The following SNTB2 variants were observed in gnomAD, a reference collection of about 807,000 sequenced individuals.
SNTB2 encodes the protein beta-2-syntrophin.
A neutral mutation model predicts 46.2 loss-of-function variants in SNTB2; 34 were observed. The ratio of observed to expected loss-of-function variants is 0.74; its 90% CI spans 0.56 to 0.98. The LOEUF is 0.98. Ranked by LOEUF, SNTB2 falls within the 50% of genes least tolerant of loss-of-function variation. The probability of loss-of-function intolerance (pLI) is 0.00; values close to 1 mark genes in which losing one functional copy is unlikely to be tolerated. For synonymous variants in SNTB2, 290 were observed against 312.6 expected, an observed-to-expected ratio of 0.93 and a Z score of 0.76; for missense variants, 603 against 731.4, an observed-to-expected ratio of 0.82 and a Z score of 2.02.
At chr16:69,285,301 C>T (rs1415350172) in intron 5 of SNTB2, among the ~76,000 whole-genome samples, 7 of 150,052 alleles carry the variant, frequency 4.7e-5, no homozygotes, top group East Asian at 1.9e-4. Context: ...GTATATGACT[C>T]GAAGTACATT....
intron 1 of SNTB2, among the ~76,000 whole-genome samples, chr16:69,190,032 A>G (rs894077563): frequency 6.6e-6 from 1 of 152,238 alleles, no homozygotes; most frequent in African/African-American, 2.4e-5. Context: ...TTGCATTTTC[A>G]AGCCACTGGG....
At chr16:69,222,716 AC>A (rs1964418582) in intron 1 of SNTB2, among the ~76,000 whole-genome samples, 1 of 152,178 alleles carries the variant, frequency 6.6e-6, no homozygotes, top group Non-Finnish European at 1.5e-5. Flanking sequence ...AAGGAAAGAT[AC>A]GTTTTATTAG....
At chr16:69,258,605 C>CTTTTTTTTTTTTT (rs67116274) in intron 2 of SNTB2, among the ~76,000 whole-genome samples, 2 of 83,504 alleles carry the variant, frequency 2.4e-5, no homozygotes, top group Non-Finnish European at 4.5e-5. Context: ...CTTGTTCTTT[C>CTTTTTTTTTTTTT]TTTTTTTTTT....
chr16:69,246,499 C>G (rs1964671211), intron 2 of SNTB2, among the ~76,000 whole-genome samples: 1 of 147,796 alleles, frequency 6.8e-6, no homozygotes, highest in Non-Finnish European at 1.5e-5. Flanking sequence ...CAATGTTCAT[C>G]AAGGATATTG....
At chr16:69,235,015 C>A (rs1034010572) in intron 1 of SNTB2, among the ~76,000 whole-genome samples, 3 of 151,722 alleles carry the variant, frequency 2.0e-5, no homozygotes, top group East Asian at 1.9e-4. Flanking sequence ...CAACTTGGTT[C>A]TTTATTTATT....
intron 1 of SNTB2, among the ~76,000 whole-genome samples, chr16:69,192,112 T>A (rs1244942214): frequency 6.6e-6 from 1 of 152,034 alleles, no homozygotes; most frequent in Non-Finnish European, 1.5e-5. Flanking sequence ...TTGGCAGCAG[T>A]GGAAGCACTG....
rs781219598 is a variant in SNTB2 at position 69,299,741 on chromosome 16, A to G, written c.1497A>G (p.Leu499=). 1 of 1,614,194 alleles carries G rather than the reference A, an allele frequency of 6.2e-7. No individual in the cohort carries two copies. The highest frequency in any genetic ancestry group is 2.2e-5 in the East Asian group (1 of 44,886). The stretch of plus-strand genomic sequence containing the variant: ...CTGCTGATGATGGCATCCGAAATCT[A>G]TACTTGGATTTTGGTGGTCCCGAGG... ...KMSADDGIRN[L]YLDFGGPEGE... is the part of the protein sequence containing the mutation. The change falls in exon 6 of 7, where the codon CTA becomes CTG. Residue 499 remains leucine, a synonymous_variant. Transcript: ENST00000336278.
intron 1 of SNTB2, among the ~76,000 whole-genome samples, chr16:69,229,152 T>A (rs1156748998): frequency 6.6e-6 from 1 of 152,168 alleles, no homozygotes; most frequent in African/African-American, 2.4e-5. Flanking sequence ...TTTCTAATAA[T>A]TTTTTTCATT....
intron 1 of SNTB2, among the ~76,000 whole-genome samples, chr16:69,204,327 G>C (rs183447640): frequency 6.6e-6 from 1 of 152,274 alleles, no homozygotes; most frequent in Admixed American, 6.5e-5. Context: ...GCTTCCATAG[G>C]CTTGCTAGAA....
chr16:69,282,951 T>C (rs1295065199), intron 4 of SNTB2, among the ~76,000 whole-genome samples: 2 of 152,090 alleles, frequency 1.3e-5, no homozygotes, highest in Admixed American at 1.3e-4. Flanking sequence ...TGCTTATCAG[T>C]TTTAGGAGTT....
chr16:69,294,509 TGG>T (rs1401279492), intron 5 of SNTB2, among the ~76,000 whole-genome samples: 5 of 151,578 alleles, frequency 3.3e-5, no homozygotes, highest in African/African-American at 1.2e-4. Context: ...GGATCACCTA[TGG>T]TCAGGAGTTT....
In SNTB2 at chr16:69,284,090, A is replaced by T; in HGVS notation, c.1191A>T (p.Gly397=). 1 of 1,613,758 alleles carries T rather than the reference A, an allele frequency of 6.2e-7. No homozygotes were observed. The highest frequency in any genetic ancestry group is 2.2e-5 in the East Asian group (1 of 44,852). ...SGSGCRSPSL[G]SDLTFATRTG... ...CCGGATGTCGATCCCCCTCCCTTGGATCTGACCTTACATTTGCTACCAGGA... is the reference window on the plus strand; with the variant it reads ...CCGGATGTCGATCCCCCTCCCTTGGTTCTGACCTTACATTTGCTACCAGGA... The change falls in exon 5 of 7, where the codon GGA becomes GGT. Residue 397 remains glycine, a synonymous_variant. Transcript: ENST00000336278.
intron 4 of SNTB2, among the ~76,000 whole-genome samples, chr16:69,272,109 A>G (rs554161994): frequency 2.6e-5 from 4 of 152,346 alleles, no homozygotes; most frequent in Non-Finnish European, 5.9e-5. Context: ...CAAGAGAAAA[A>G]ATAGATAAAT....
intron 1 of SNTB2, among the ~76,000 whole-genome samples, chr16:69,243,634 G>A (rs1964640061): frequency 6.6e-6 from 1 of 152,132 alleles, no homozygotes; most frequent in African/African-American, 2.4e-5. Flanking sequence ...CAAAAAGCAT[G>A]CCTCTGCCAT....
At position 69,266,423 on chromosome 16, in the gene SNTB2, G is replaced by T. The variant is rs79965991; in HGVS notation, c.1006-3720G>T. On this transcript the variant is annotated intron_variant, in intron 3 of 6. Transcript: ENST00000336278. ...GTTAAGGCAAATAGGCAATCAGAAT[G>T]ATTAAACTTAGTTTTCATTTTTTTT... Among the ~76,000 whole-genome samples the T allele has an allele frequency of 4.6e-3, 701 of 152,004 alleles. 32 individuals carry two copies. In the South Asian group the frequency reaches 0.091, roughly 20 times the overall value.
intron 1 of SNTB2, among the ~76,000 whole-genome samples, chr16:69,205,511 A>T (rs1438955033): frequency 6.6e-6 from 1 of 151,830 alleles, no homozygotes; most frequent in Non-Finnish European, 1.5e-5. Flanking sequence ...CAGAATTCAT[A>T]TTTAACAGAT....
rs867613962 is a variant in SNTB2, at chr16:69,292,369, T to A, written c.1346-7221T>A. 1.8e-3 allele frequency among the ~76,000 whole-genome samples: 58 copies of A among 32,386 alleles called. 5 individuals are homozygous for A. The highest frequency in any genetic ancestry group is 6.2e-3 in the African/African-American group (42 of 6,726). The allele number at this position is 32,386 out of a possible 152,430, so 21.2% of individuals were successfully genotyped here. ...ACCTTATTTTTTATATATATATATA[T>A]ATATATATATTATATATATATTATA... On this transcript the variant is annotated intron_variant, in intron 5 of 6. Coordinates refer to ENST00000336278, the MANE Select transcript of SNTB2 (RefSeq NM_006750.4).
chr16:69,272,773 C>G (rs1964950523), intron 4 of SNTB2, among the ~76,000 whole-genome samples: 1 of 151,452 alleles, frequency 6.6e-6, no homozygotes. Context: ...GGACTATAAT[C>G]CCAGCTACTT....
At chr16:69,234,728 A>G (rs1964540938) in intron 1 of SNTB2, among the ~76,000 whole-genome samples, 1 of 150,478 alleles carries the variant, frequency 6.6e-6, no homozygotes, top group African/African-American at 2.5e-5. Context: ...TTCGAGACCA[A>G]GTCTCACTCT....
Sources: gnomAD v4.1 joint callset for allele counts (sites outside exome capture counted in the v4.1 genomes callset) on GRCh38, gnomAD v4.1.1 for gene constraint, MANE v1.5 for transcripts, NCBI Gene and HGNC (gene_info 2026-07-23, HGNC 2026-07-21) for gene names.